Variants in PLSCR1 observed in about 807,000 individuals in gnomAD.
The protein encoded by PLSCR1 is PL scramblase 1.
Under a neutral mutation model 37.8 loss-of-function variants are expected in PLSCR1, and 17 were observed. That is an observed-to-expected ratio of 0.45 (90% CI 0.31 to 0.68). The LOEUF is 0.68. PLSCR1 is among the 30% of genes least tolerant of loss of function. The probability of loss-of-function intolerance (pLI) is 0.06; values close to 1 mark genes in which losing one functional copy is unlikely to be tolerated. For missense variants in PLSCR1, 347 were observed against 380.9 expected, an observed-to-expected ratio of 0.91 and a Z score of 0.74; for synonymous variants, 116 against 125.9, an observed-to-expected ratio of 0.92 and a Z score of 0.53.
intron 1 of PLSCR1, among the ~76,000 whole-genome samples, chr3:146,538,310 T>C (rs1041630024): frequency 2.0e-5 from 3 of 152,222 alleles, no homozygotes; most frequent in Non-Finnish European, 4.4e-5. Context: ...ACTAAATTCA[T>C]ACATAAGAGG....
At chr3:146,539,804 A>C (rs1238457273) in intron 1 of PLSCR1, among the ~76,000 whole-genome samples, 1 of 152,192 alleles carries the variant, frequency 6.6e-6, no homozygotes, top group African/African-American at 2.4e-5. Context: ...ATAATATCTC[A>C]AGCATTGAAA....
At chr3:146,544,129 T>C (rs976211169) in intron 1 of PLSCR1, among the ~76,000 whole-genome samples, 9 of 152,210 alleles carry the variant, frequency 5.9e-5, no homozygotes, top group African/African-American at 2.2e-4. Context: ...GCAGTGTAGC[T>C]AAGGGGAAGC....
At chr3:146,543,057 A>G (rs2044356959) in intron 1 of PLSCR1, among the ~76,000 whole-genome samples, 1 of 152,158 alleles carries the variant, frequency 6.6e-6, no homozygotes, top group East Asian at 1.9e-4. Flanking sequence ...CAAATCAACT[A>G]GTCTATGGAG....
At chr3:146,533,908 T>C (rs575430467) in intron 2 of PLSCR1, among the ~76,000 whole-genome samples, 134 of 152,286 alleles carry the variant, frequency 8.8e-4, no homozygotes, top group African/African-American at 3.1e-3. Context: ...ATGAAATTAA[T>C]GGGATGTGAA....
intron 4 of PLSCR1, among the ~76,000 whole-genome samples, chr3:146,527,404 C>T (rs764251827): frequency 1.3e-5 from 2 of 152,150 alleles, no homozygotes; most frequent in African/African-American, 2.4e-5. Flanking sequence ...CCTTATTTTT[C>T]ATTACACGTA....
At chr3:146,520,150 C>A (rs1220191334) in intron 7 of PLSCR1, 3 of 151,990 alleles carry the variant, frequency 2.0e-5, no homozygotes, top group South Asian at 2.1e-4. Flanking sequence ...TTTCTCAATT[C>A]TTTCCATGAG....
intron 5 of PLSCR1, among the ~76,000 whole-genome samples, chr3:146,523,296 C>T (rs1410906920): frequency 1.3e-5 from 2 of 152,170 alleles, no homozygotes; most frequent in Non-Finnish European, 2.9e-5. Context: ...AGAAGAGAGA[C>T]TTTTCTGCTG....
chr3:146,524,439 A>G (rs183285780), intron 5 of PLSCR1, among the ~76,000 whole-genome samples: 1 of 152,098 alleles, frequency 6.6e-6, no homozygotes, highest in East Asian at 1.9e-4. Context: ...AGAAACAAAA[A>G]AAAAACTGGA....
chr3:146,516,591 T>C (rs1052828182), intron 8 of PLSCR1: 25 of 169,536 alleles, frequency 1.5e-4, no homozygotes, highest in Non-Finnish European at 2.6e-4. Flanking sequence ...TGAGTGAATG[T>C]ACACTCTTAT....
chr3:146,532,858 C>T (rs1212961572), intron 3 of PLSCR1, among the ~76,000 whole-genome samples: 1 of 152,088 alleles, frequency 6.6e-6, no homozygotes, highest in Admixed American at 6.5e-5. Flanking sequence ...AAAATGTACT[C>T]AATTATGTAT....
rs1007614533 is a variant in PLSCR1, at chr3:146,544,572, G to C, written c.-119C>G. The C allele has an allele frequency of 1.3e-5, 2 of 152,516 alleles. No homozygotes were observed. The highest frequency in any genetic ancestry group is 1.3e-4 in the Admixed American group (2 of 15,306). 9.4% of individuals were successfully genotyped at this position (152,516 alleles called of 1,614,324 possible). ...CTCTAGACTGCCGGGCACAGCTGCTGCGCAACCTTCTCAGAAGTCAGCCGG... is the reference window on the plus strand; with the variant it reads ...CTCTAGACTGCCGGGCACAGCTGCTCCGCAACCTTCTCAGAAGTCAGCCGG... On this transcript the variant is annotated 5_prime_UTR_variant, in exon 1 of 9. Transcript: ENST00000342435.
At chr3:146,543,998 T>C (rs931877463) in intron 1 of PLSCR1, among the ~76,000 whole-genome samples, 5 of 152,220 alleles carry the variant, frequency 3.3e-5, no homozygotes, top group African/African-American at 9.7e-5. Context: ...CATTGAATAC[T>C]TACTGATAAA....
chr3:146,524,843 T>C (rs1305088785), intron 5 of PLSCR1, among the ~76,000 whole-genome samples: 1 of 152,264 alleles, frequency 6.6e-6, no homozygotes, highest in East Asian at 1.9e-4. Context: ...AAAGAAACTT[T>C]GGAGACAGGT....
intron 7 of PLSCR1, among the ~76,000 whole-genome samples, chr3:146,520,883 A>AT (rs928493229): frequency 2.2e-4 from 33 of 152,274 alleles, no homozygotes; most frequent in African/African-American, 7.7e-4. Flanking sequence ...AAACCTTCTG[A>AT]TTTTTAAACA....
At chr3:146,536,806 C>T in intron 1 of PLSCR1, 1 of 388,796 alleles carries the variant, frequency 2.6e-6, no homozygotes, top group Non-Finnish European at 4.8e-6. Flanking sequence ...CATTCTAAAG[C>T]CTTTTGGGAA....
intron 7 of PLSCR1, among the ~76,000 whole-genome samples, chr3:146,519,777 T>A (rs1185286393): frequency 6.6e-6 from 1 of 152,162 alleles, no homozygotes; most frequent in Non-Finnish European, 1.5e-5. Flanking sequence ...ACTATCATAA[T>A]GGTCAAGAGG....
intron 1 of PLSCR1, among the ~76,000 whole-genome samples, chr3:146,542,914 T>C (rs1472658188): frequency 6.6e-6 from 1 of 152,116 alleles, no homozygotes; most frequent in African/African-American, 2.4e-5. Context: ...CAATTAAGAA[T>C]TAAATATATT....
At chr3:146,535,167 GAAGTA>G (rs144409098) in intron 2 of PLSCR1, among the ~76,000 whole-genome samples, 11,428 of 151,904 alleles carry the variant, frequency 0.075, 546 homozygotes, top group Admixed American at 0.13. Context: ...TTGCAAGTCT[GAAGTA>G]AAGATCTACC....
At chr3:146,516,258 T>A (rs140183666) in intron 8 of PLSCR1, among the ~76,000 whole-genome samples, 157 bp from the exon 9 acceptor site, 4 of 152,346 alleles carry the variant, frequency 2.6e-5, no homozygotes, top group African/African-American at 9.6e-5. Flanking sequence ...TATAATTATA[T>A]AAGTTCTGCC....
Sources: gnomAD v4.1 joint callset for allele counts (sites outside exome capture counted in the v4.1 genomes callset) on GRCh38, gnomAD v4.1.1 for gene constraint, MANE v1.5 for transcripts, NCBI Gene and HGNC (gene_info 2026-07-23, HGNC 2026-07-21) for gene names.